FAM222B: variants seen among roughly 807,000 people sequenced by gnomAD.
FAM222B encodes protein FAM222B.
Under a neutral mutation model 38.0 loss-of-function variants are expected in FAM222B, and 12 were observed. The ratio of observed to expected loss-of-function variants is 0.32; its 90% CI spans 0.20 to 0.51. The LOEUF is 0.51. FAM222B is among the 20% of genes least tolerant of loss of function. FAM222B has a pLI of 0.97. For missense variants in FAM222B, 716 were observed against 754.2 expected, an observed-to-expected ratio of 0.95 and a Z score of 0.59; for synonymous variants, 329 against 317.2, an observed-to-expected ratio of 1.04 and a Z score of -0.40.
rs2034673502 is a variant in FAM222B, at chr17:28,756,093, A to G, written c.*2177T>C. 6.6e-6 allele frequency: 1 copy of G among 152,662 alleles called. No homozygotes were observed. Among genetic ancestry groups the G allele is most frequent in the Non-Finnish European group, 1.5e-5 (1 of 68,070 alleles). 9.5% of individuals were successfully genotyped at this position (152,662 alleles called of 1,614,324 possible). On this transcript the variant is annotated 3_prime_UTR_variant, in exon 3 of 3. Transcript: ENST00000581407. ...AATGAATGCTACAGTATGTGGATAG[A>G]ATGGGGAATCCAGGTATTCCCTAGG...
intron 1 of FAM222B, among the ~76,000 whole-genome samples, chr17:28,850,893 G>A (rs930605552): frequency 2.0e-5 from 3 of 151,968 alleles, no homozygotes; most frequent in African/African-American, 7.2e-5. Flanking sequence ...GGCCAAGGTG[G>A]GCAAATCACA....
In FAM222B at chr17:28,759,225, G is replaced by A; in HGVS notation, c.734C>T (p.Ser245Phe). The A allele has an allele frequency of 2.5e-6, 4 of 1,613,712 alleles. No homozygotes were observed. Among genetic ancestry groups the A allele is most frequent in the Non-Finnish European group, 2.5e-6 (3 of 1,179,822 alleles). Residue 245 changes from serine to phenylalanine, a missense_variant, in exon 3 of 3, where the codon TCT becomes TTT. Physicochemically the swap from Ser to Phe is radical, Grantham distance 155. Transcript: ENST00000581407. The surrounding 1 kb of genome is among the most constrained non-coding windows in gnomAD (Gnocchi z 4.8). Reference sequence around the variant, plus strand: ...CATTGAAAGGGGGATAGTTGAGGTAGACACGGTCACATTCGGGGGGGCATC... The same window carrying A: ...CATTGAAAGGGGGATAGTTGAGGTAAACACGGTCACATTCGGGGGGGCATC... ...DSDAPPNVTVSTSTIPLSMAA... is the reference protein window; with the variant it reads ...DSDAPPNVTVFTSTIPLSMAA...
At chr17:28,784,491 T>TAAAAAAAAAAAAAAAAAA (rs559624246) in intron 1 of FAM222B, among the ~76,000 whole-genome samples, 1 of 36,050 alleles carries the variant, frequency 2.8e-5, no homozygotes, top group African/African-American at 1.1e-4. Context: ...TCCCCTCTCT[T>TAAAAAAAAAAAAAAAAAA]AAAAAAAAAA....
At chr17:28,784,491 TAAAAAAAAAAAAAAAAAAAAAAAAAAA>T (rs559624246) in intron 1 of FAM222B, among the ~76,000 whole-genome samples, 2 of 36,032 alleles carry the variant, frequency 5.6e-5, no homozygotes, top group Non-Finnish European at 5.0e-5. Flanking sequence ...TCCCCTCTCT[TAAAAAAAAAAAAAAAAAAAAAAAAAAA>T]AAAAAAAAAA....
intron 1 of FAM222B, chr17:28,834,148 C>G (rs1238858796): frequency 6.6e-6 from 1 of 152,170 alleles, no homozygotes; most frequent in Non-Finnish European, 1.5e-5. Context: ...GACTACTGTA[C>G]CTGATTTCGT....
At chr17:28,837,440 A>AAT (rs2038884380) in intron 1 of FAM222B, among the ~76,000 whole-genome samples, 2 of 150,996 alleles carry the variant, frequency 1.3e-5, no homozygotes, top group Admixed American at 6.6e-5. Flanking sequence ...AAAAAAAAAA[A>AAT]AAATAAATAA....
intron 1 of FAM222B, among the ~76,000 whole-genome samples, chr17:28,776,719 A>T (rs1038342874): frequency 5.9e-5 from 9 of 151,910 alleles, no homozygotes; most frequent in Non-Finnish European, 1.0e-4. Flanking sequence ...TGGCCTCCCA[A>T]AGTGCTGAGA....
At chr17:28,854,730 G>A (rs1476690366) in intron 1 of FAM222B, among the ~76,000 whole-genome samples, 1 of 152,190 alleles carries the variant, frequency 6.6e-6, no homozygotes, top group East Asian at 1.9e-4. Context: ...TTGGCCTCAT[G>A]GGAAATGTAG....
At chr17:28,816,843 G>A (rs538538374) in intron 1 of FAM222B, among the ~76,000 whole-genome samples, 1 of 152,154 alleles carries the variant, frequency 6.6e-6, no homozygotes, top group African/African-American at 2.4e-5. Context: ...TTTTTTAAGG[G>A]AATTCCTGGC....
chr17:28,830,799 A>G (rs930733482), intron 1 of FAM222B, among the ~76,000 whole-genome samples: 3 of 151,682 alleles, frequency 2.0e-5, no homozygotes, highest in Non-Finnish European at 4.4e-5. Flanking sequence ...CAGCCTGGGC[A>G]ACATGGCAAA....
intron 1 of FAM222B, among the ~76,000 whole-genome samples, chr17:28,780,086 G>A (rs1331174179): frequency 2.6e-5 from 4 of 151,408 alleles, no homozygotes; most frequent in African/African-American, 4.9e-5. Context: ...ATTCTCCTTC[G>A]TCAGCCTCCT....
intron 1 of FAM222B, among the ~76,000 whole-genome samples, chr17:28,783,096 C>T (rs983198166): frequency 5.3e-5 from 8 of 151,050 alleles, no homozygotes; most frequent in African/African-American, 1.7e-4. Flanking sequence ...CAAGATCGTG[C>T]CACTGCACTC....
intron 1 of FAM222B, among the ~76,000 whole-genome samples, chr17:28,827,058 G>A (rs916598671): frequency 2.6e-5 from 4 of 151,968 alleles, no homozygotes; most frequent in South Asian, 2.1e-4. Context: ...GACACGAGAG[G>A]ATCATTTAGG....
Position 28,775,950 on chromosome 17 carries a change from C to T in FAM222B, c.-40-9243G>A, listed in dbSNP as rs555978424. On this transcript the variant is annotated intron_variant, in intron 1 of 2. Transcript: ENST00000581407. ...AAAGAGCCGGGCATGGTGGTGTGCACCTGTAATCCCAGCTACTTGGGAGGC... is the reference window on the plus strand; with the variant it reads ...AAAGAGCCGGGCATGGTGGTGTGCATCTGTAATCCCAGCTACTTGGGAGGC... Among the ~76,000 whole-genome samples the T allele has an allele frequency of 3.3e-5, 5 of 151,374 alleles. No homozygotes were observed. The South Asian group carries it at 1.0e-3, about 32-fold the overall frequency.
chr17:28,804,870 A>G (rs577182902), intron 1 of FAM222B, among the ~76,000 whole-genome samples: 3 of 150,252 alleles, frequency 2.0e-5, no homozygotes, highest in East Asian at 4.1e-4. Context: ...GTGAAACCCC[A>G]TCTCTACTGA....
At chr17:28,851,647 G>T (rs1349095395) in intron 1 of FAM222B, among the ~76,000 whole-genome samples, 1 of 152,050 alleles carries the variant, frequency 6.6e-6, no homozygotes, top group Non-Finnish European at 1.5e-5. Context: ...GGACGCCAAG[G>T]CGGGCAGATC....
chr17:28,804,288 C>A (rs962364067), intron 1 of FAM222B, among the ~76,000 whole-genome samples: 1 of 152,104 alleles, frequency 6.6e-6, no homozygotes, highest in African/African-American at 2.4e-5. Flanking sequence ...GTCCTAATCC[C>A]CTCTTATATA....
chr17:28,765,323 G>C (rs1472541168), intron 2 of FAM222B, among the ~76,000 whole-genome samples: 10 of 152,194 alleles, frequency 6.6e-5, no homozygotes, highest in African/African-American at 2.4e-4. Context: ...TTGTAAAAAA[G>C]TTTCACTGGA....
intron 1 of FAM222B, among the ~76,000 whole-genome samples, chr17:28,800,480 TA>T (rs1465542588): frequency 6.6e-6 from 1 of 152,192 alleles, no homozygotes; most frequent in Non-Finnish European, 1.5e-5. Context: ...CTAGGCGCAC[TA>T]AGGAACAATT....
Sources: allele counts gnomAD v4.1 joint callset (sites outside exome capture counted in the v4.1 genomes callset), GRCh38; gene constraint gnomAD v4.1.1; non-coding constraint Gnocchi (gnomAD v3.1); transcripts MANE v1.5; gene names NCBI Gene and HGNC (gene_info 2026-07-23, HGNC 2026-07-21).